The following EPHA5 variants were observed in gnomAD, a reference collection of about 807,000 sequenced individuals.
EPHA5 encodes ephrin type-A receptor 5.
Under a neutral mutation model 105.0 loss-of-function variants are expected in EPHA5, and 60 were observed. The observed-to-expected ratio is 0.57, with a 90% confidence interval of 0.46 to 0.71. EPHA5 has a LOEUF of 0.71. EPHA5 is among the 30% of genes least tolerant of loss of function. EPHA5 has a pLI of 0.00. For synonymous variants in EPHA5, 513 were observed against 449.1 expected (o/e 1.14, Z -1.80); for missense variants, 1,218 against 1,274.7 (o/e 0.96, Z 0.68).
intron 5 of EPHA5, among the ~76,000 whole-genome samples, chr4:65,464,562 T>A (rs1163727228): frequency 1.3e-5 from 2 of 152,126 alleles, no homozygotes; most frequent in Non-Finnish European, 2.9e-5. Context: ...TAATTACTGG[T>A]AAGATTGAAT....
chr4:65,557,259 T>TATATATATATA (rs1560693532), intron 3 of EPHA5, among the ~76,000 whole-genome samples: 53 of 142,258 alleles, frequency 3.7e-4, no homozygotes, highest in East Asian at 6.1e-4. Flanking sequence ...TATATATATA[T>TATATATATATA]TCTCACACTT....
At chr4:65,378,694 C>T (rs1719252839) in intron 8 of EPHA5, among the ~76,000 whole-genome samples, 1 of 151,930 alleles carries the variant, frequency 6.6e-6, no homozygotes, top group South Asian at 2.1e-4. Flanking sequence ...AATCAAATAT[C>T]TGGCCCTTTA....
intron 13 of EPHA5, among the ~76,000 whole-genome samples, chr4:65,348,828 T>TTTTGAGACAGGGTCTCGCTC (rs1722540118): frequency 7.7e-6 from 1 of 129,138 alleles, no homozygotes; most frequent in African/African-American, 2.8e-5. Flanking sequence ...TTTTTTTTTT[T>TTTTGAGACAGGGTCTCGCTC]TTTTTGAGAC....
At chr4:65,609,540 C>A (rs1417195432) in intron 2 of EPHA5, among the ~76,000 whole-genome samples, 1 of 151,740 alleles carries the variant, frequency 6.6e-6, no homozygotes, top group African/African-American at 2.4e-5. Context: ...TAATATTAAT[C>A]TTTTTGCAGC....
intron 3 of EPHA5, among the ~76,000 whole-genome samples, chr4:65,522,335 A>T (rs1368035243): frequency 7.9e-6 from 1 of 126,378 alleles, no homozygotes; most frequent in East Asian, 2.0e-4. Flanking sequence ...TATATATATA[A>T]AATCAACAGT....
At chr4:65,432,711 G>A (rs1477442631) in intron 5 of EPHA5, among the ~76,000 whole-genome samples, 1 of 151,926 alleles carries the variant, frequency 6.6e-6, no homozygotes, top group Non-Finnish European at 1.5e-5. Flanking sequence ...TGGAATATAG[G>A]TGGGCAGTGC....
intron 6 of EPHA5, among the ~76,000 whole-genome samples, chr4:65,415,468 A>G (rs1454931622): frequency 6.6e-6 from 1 of 152,026 alleles, no homozygotes; most frequent in Non-Finnish European, 1.5e-5. Flanking sequence ...TAAAATATAC[A>G]ATCTATAAAC....
chr4:65,473,063 A>G (rs1729444737), intron 5 of EPHA5, among the ~76,000 whole-genome samples: 1 of 152,182 alleles, frequency 6.6e-6, no homozygotes, highest in Admixed American at 6.5e-5. Context: ...GCAAAATGCC[A>G]CCAATCTCTT....
At chr4:65,635,773 C>A (rs541606213) in intron 2 of EPHA5, among the ~76,000 whole-genome samples, 8 of 152,162 alleles carry the variant, frequency 5.3e-5, no homozygotes, top group African/African-American at 1.9e-4. Context: ...TTAATCAATA[C>A]AAAATGTTCC....
At chr4:65,347,442 A>G (rs1722329913) in intron 14 of EPHA5, among the ~76,000 whole-genome samples, 1 of 152,208 alleles carries the variant, frequency 6.6e-6, no homozygotes, top group Admixed American at 6.5e-5. Context: ...GCCATGTGTC[A>G]GGCATCACAT....
intron 3 of EPHA5, among the ~76,000 whole-genome samples, chr4:65,596,656 C>T (rs372287107): frequency 5.4e-5 from 8 of 147,348 alleles, no homozygotes; most frequent in African/African-American, 2.0e-4. Flanking sequence ...TACTTAATTG[C>T]CTTGGTTGTG....
chr4:65,462,343 A>G (rs1728207118), intron 5 of EPHA5, among the ~76,000 whole-genome samples: 1 of 152,206 alleles, frequency 6.6e-6, no homozygotes. Flanking sequence ...GGCATTTTGC[A>G]AGTATACCAT....
intron 5 of EPHA5, among the ~76,000 whole-genome samples, chr4:65,474,842 A>G (rs554563575): frequency 1.1e-4 from 17 of 152,224 alleles, no homozygotes; most frequent in South Asian, 2.1e-4. Context: ...TTAATATATC[A>G]TTTAACAATA....
chr4:65,339,605 C>T (rs1331413394), intron 14 of EPHA5, among the ~76,000 whole-genome samples: 1 of 152,098 alleles, frequency 6.6e-6, no homozygotes, highest in African/African-American at 2.4e-5. Flanking sequence ...TATTATTAAA[C>T]ACTGAAATAA....
In EPHA5 at chr4:65,321,750, T is replaced by C. The variant is rs770336813; in HGVS notation, c.*2364A>G. 145 of 228,154 alleles carry C rather than the reference T, an allele frequency of 6.4e-4. No homozygotes were observed. Among genetic ancestry groups the C allele is most frequent in the Middle Eastern group, 2.5e-3 (2 of 788 alleles). The allele number at this position is 228,154 out of a possible 1,614,324, so 14.1% of individuals were successfully genotyped here. A position where few individuals can be genotyped will look rare whatever the true frequency, so the allele number is the denominator to read the frequency against. ...TAAAGTTCTAGTCATTTAGATACAC[T>C]CCACCCGGACCTCCTAATTATCTTT... is the stretch of plus-strand genomic sequence containing the variant. On this transcript the variant is annotated 3_prime_UTR_variant, in exon 17 of 17. Transcript: ENST00000613740.
rs1326786104 is a variant in EPHA5, at chr4:65,583,730, T to A, written c.910+17911A>T. On this transcript the variant is annotated intron_variant, in intron 3 of 16. Transcript: ENST00000613740. ...TGTGGTTATCACCCTTCAGAATACG[T>A]AAAATTTGATTTTGTTAAAAAAGAA... Among the ~76,000 whole-genome samples the A allele has an allele frequency of 4.0e-5, 6 of 151,834 alleles. No individual in the cohort carries two copies. The East Asian group carries it at 1.2e-3, about 29-fold the overall frequency.
intron 2 of EPHA5, among the ~76,000 whole-genome samples, chr4:65,639,151 C>T (rs1409034853): frequency 1.3e-5 from 2 of 152,054 alleles, no homozygotes; most frequent in African/African-American, 2.4e-5. Context: ...GTTTATGTTT[C>T]CCTATGGAAA....
chr4:65,559,140 T>TTCTC (rs1031127965), intron 3 of EPHA5, among the ~76,000 whole-genome samples: 6 of 152,150 alleles, frequency 3.9e-5, no homozygotes, highest in African/African-American at 1.2e-4. Context: ...AAAATAAACT[T>TTCTC]TCTCTGTGGT....
intron 6 of EPHA5, among the ~76,000 whole-genome samples, chr4:65,420,239 G>T (rs1472455418): frequency 6.6e-6 from 1 of 152,082 alleles, no homozygotes. Flanking sequence ...CTATATCTAA[G>T]CAGTGTAAAC....
Sources: gnomAD v4.1 joint callset for allele counts (sites outside exome capture counted in the v4.1 genomes callset) on GRCh38, gnomAD v4.1.1 for gene constraint, MANE v1.5 for transcripts, NCBI Gene and HGNC (gene_info 2026-07-23, HGNC 2026-07-21) for gene names.